The following SPTBN5 variants were observed in gnomAD, a reference collection of about 807,000 sequenced individuals.
SPTBN5 encodes spectrin beta, non-erythrocytic 5.
A neutral mutation model predicts 477.6 loss-of-function variants in SPTBN5; 513 were observed. That is an observed-to-expected ratio of 1.07 (90% CI 1.00 to 1.16). The LOEUF (loss-of-function observed/expected upper bound fraction) is 1.16, where lower values mean the gene tolerates loss of function less well. Among genes scored for constraint, SPTBN5 ranks in the 50% most tolerant of loss-of-function variants. The pLI, the probability that SPTBN5 is intolerant of heterozygous loss-of-function variation, is 0.00. For synonymous variants in SPTBN5, 2,169 were observed against 2,011.7 expected (o/e 1.08, Z -2.09); for missense variants, 5,062 against 4,731.8 (o/e 1.07, Z -2.05).
chr15:41,888,914 C>T (rs949456482), intron 4 of SPTBN5, among the ~76,000 whole-genome samples: 2 of 152,214 alleles, frequency 1.3e-5, no homozygotes, highest in African/African-American at 4.8e-5. Context: ...AGGTCAGGCC[C>T]CAGTACCCTG....
Position 41,893,434 on chromosome 15 carries a change from G to A in SPTBN5, c.64C>T (p.Pro22Ser). ...GGCGGGACCCGGAGTTCTGTGCTGG[G>A]CCTCCTGCTGCGGTGCCCTGCAGCC... ...LGAAGHRSRR[P>S]STELRVPPSP... The change falls in exon 2 of 68, where the codon CCC becomes TCC. Residue 22 changes from proline (P) to serine (S), a missense_variant. Transcript: ENST00000320955. 6.2e-7 allele frequency: 1 copy of A among 1,611,894 alleles called. No individual in the cohort carries two copies. Among genetic ancestry groups the A allele is most frequent in the Non-Finnish European group, 8.5e-7 (1 of 1,179,610 alleles).
Position 41,873,607 on chromosome 15 carries a change from T to C in SPTBN5, c.4892A>G (p.Tyr1631Cys). 6.4e-7 allele frequency: 1 copy of C among 1,551,270 alleles called. No individual in the cohort carries two copies. Among genetic ancestry groups the C allele is most frequent in the Non-Finnish European group, 8.7e-7 (1 of 1,147,004 alleles). ...CTCCAGCTCTGACACATCCAGAAAGTACTGCCAAGAGTGGGGCCAACTCAC... is the reference window on the plus strand; with the variant it reads ...CTCCAGCTCTGACACATCCAGAAAGCACTGCCAAGAGTGGGGCCAACTCAC... The part of the protein sequence containing the change: ...CLQQAVTFQQ[Y>C]FLDVSELEGW... Residue 1631 changes from tyrosine (Y) to cysteine (C), a missense_variant and splice_region_variant, in exon 26 of 68, where the codon TAC becomes TGC. Tyr to Cys is a radical substitution (Grantham distance 194). Coordinates refer to ENST00000320955, the MANE Select transcript of SPTBN5 (RefSeq NM_016642.4).
At position 41,877,237 on chromosome 15, in the gene SPTBN5, C is replaced by T. The variant is rs774535647; in HGVS notation, c.3590G>A (p.Trp1197Ter). The change falls in exon 18 of 68, where the codon TGG (tryptophan) becomes TAG (stop). Residue 1197 changes from tryptophan to a stop codon, truncating the protein, a stop_gained. Coordinates refer to ENST00000320955, the MANE Select transcript of SPTBN5 (RefSeq NM_016642.4). LOFTEE classifies it high-confidence loss of function. Reference protein sequence around the residue: ...GQQGQELKVLWEQRQQWLQEG... With the variant: ...GQQGQELKVL ...TTGCAGCCACTGCTGCCTCTGCTCC[C>T]ACAAAACCTTCAGCTCCTGGCCCTG... is the stretch of plus-strand genomic sequence containing the variant. The T allele has an allele frequency of 1.9e-6, 3 of 1,613,900 alleles. No homozygotes were observed. The highest frequency in any genetic ancestry group is 4.5e-5 in the East Asian group (2 of 44,894).
Position 41,881,180 on chromosome 15 carries a change from T to G in SPTBN5, c.2512A>C (p.Ser838Arg), listed in dbSNP as rs772807358. 1 of 1,613,042 alleles carries G rather than the reference T, an allele frequency of 6.2e-7. No individual in the cohort carries two copies. Among genetic ancestry groups the G allele is most frequent in the South Asian group, 1.1e-5 (1 of 91,050 alleles). Reference sequence around the variant, plus strand: ...GGGCCAGGGTGGCAGGAAGCCTCACTCCAGGGCCCTGGGTTCCTCAGGCTT... The same window carrying G: ...GGGCCAGGGTGGCAGGAAGCCTCACGCCAGGGCCCTGGGTTCCTCAGGCTT... ...GESLRNPGPW[S>R]EASCHPGPGD... Residue 838 changes from serine to arginine, a missense_variant, in exon 13 of 68, where the codon AGT (serine) becomes CGT (arginine). Physicochemically the swap from Ser to Arg is moderately radical, Grantham distance 110. Coordinates refer to ENST00000320955, the MANE Select transcript of SPTBN5 (RefSeq NM_016642.4).
Position 41,871,828 on chromosome 15 carries a change from G to A in SPTBN5, c.5255C>T (p.Ala1752Val), listed in dbSNP as rs750553260. The A allele has an allele frequency of 1.9e-6, 3 of 1,591,492 alleles. No homozygotes were observed. The highest frequency in any genetic ancestry group is 2.3e-5 in the South Asian group (2 of 87,036). ...TCCCAGGCTCTCCCCTCCTTTGGCT[G>A]CCTGCTTCTGGCTTGCCAGCCAGCC... is the stretch of plus-strand genomic sequence containing the variant. Reference protein sequence around the residue: ...LQGWLASQKQAAKGGESLGED... With the variant: ...LQGWLASQKQVAKGGESLGED... The change falls in exon 28 of 68, where the codon GCA (alanine) becomes GTA (valine). Residue 1752 changes from alanine to valine, a missense_variant. Ala to Val is a moderately conservative substitution (Grantham distance 64, BLOSUM62 0). Coordinates refer to ENST00000320955, the MANE Select transcript of SPTBN5 (RefSeq NM_016642.4).
rs186729219 is a variant in SPTBN5 at position 41,859,251 on chromosome 15, C to T, written c.7989-271G>A. Among the ~76,000 whole-genome samples the T allele has an allele frequency of 2.2e-3, 335 of 152,240 alleles. 3 individuals carry two copies. Among genetic ancestry groups the T allele is most frequent in the African/African-American group, 7.7e-3 (319 of 41,544 alleles). On this transcript the variant is annotated intron_variant, in intron 47 of 67. Transcript: ENST00000320955. ...TCGGCTCACTGCAACCTCCACCTCC[C>T]GGGTTCAAGCAATTCTTCTGCCTCA...
At chr15:41,878,988 C>T (rs761055552) in intron 16 of SPTBN5, among the ~76,000 whole-genome samples, 3 of 152,208 alleles carry the variant, frequency 2.0e-5, no homozygotes, top group Non-Finnish European at 4.4e-5. Flanking sequence ...ATGGCGTGAA[C>T]CCGGGAGGCT....
In SPTBN5 at chr15:41,880,263, C is replaced by G; in HGVS notation, c.2708G>C (p.Ser903Thr). 6.2e-7 allele frequency: 1 copy of G among 1,607,846 alleles called. No homozygotes were observed. The highest frequency in any genetic ancestry group is 2.2e-5 in the East Asian group (1 of 44,722). The change falls in exon 14 of 68, where the codon AGT (serine) becomes ACT (threonine). Residue 903 changes from serine to threonine, a missense_variant. Ser to Thr is a moderately conservative substitution (Grantham distance 58). Transcript: ENST00000320955. ...CCACAACTGGAGCTCCCCACAGGAA[C>G]TGCAGAAACCGAACAGGGCCATGGC... ...EEAMALFGFC[S>T]SCGELQLWLE...
At chr15:41,873,818 C>T in intron 25 of SPTBN5, 27 bp downstream of exon 25, 9 of 1,606,676 alleles carry the variant, frequency 5.6e-6, no homozygotes, top group Non-Finnish European at 5.1e-6. Context: ...CTGCCTCTTC[C>T]CCCAACCCCA....
rs2066828331 is a variant in SPTBN5 at position 41,878,553 on chromosome 15, C to T, written c.3259G>A (p.Val1087Ile). The change falls in exon 17 of 68, where the codon GTA becomes ATA. Residue 1087 changes from valine (V) to isoleucine (I), a missense_variant. Transcript: ENST00000320955. ...VETLQGLLKQ[V>I]QEQVAQRARR... ...GCCCGTTGGGCCACTTGTTCCTGTA[C>T]TTGCTTCAGCAGCCCCTGCAGTGTC... 1 of 1,612,776 alleles carries T rather than the reference C, an allele frequency of 6.2e-7. No homozygotes were observed. The highest frequency in any genetic ancestry group is 8.5e-7 in the Non-Finnish European group (1 of 1,179,742).
Position 41,861,725 on chromosome 15 carries a change from C to T in SPTBN5, c.7737+10G>A. On this transcript the variant is annotated intron_variant, in intron 45 of 67. Coordinates refer to ENST00000320955, the MANE Select transcript of SPTBN5 (RefSeq NM_016642.4). Reference sequence around the variant, plus strand: ...GGCAAGATGCAGGCTGGGGATGGGACTGTGCCTGCCTGTAGCTCCAGGGCC... The same window carrying T: ...GGCAAGATGCAGGCTGGGGATGGGATTGTGCCTGCCTGTAGCTCCAGGGCC... 1 of 1,536,852 alleles carries T rather than the reference C, an allele frequency of 6.5e-7. No homozygotes were observed.
chr15:41,856,938 C>T lies in SPTBN5; in HGVS notation c.8723G>A (p.Trp2908Ter). The T allele has an allele frequency of 6.3e-7, 1 of 1,576,284 alleles. No individual in the cohort carries two copies. Among genetic ancestry groups the T allele is most frequent in the Non-Finnish European group, 8.6e-7 (1 of 1,161,596 alleles). The change falls in exon 52 of 68, where the codon TGG becomes TAG. Residue 2908 changes from tryptophan to a stop codon, truncating the protein, a stop_gained. Transcript: ENST00000320955. LOFTEE classifies it high-confidence loss of function. ...FFRDADEEMAWVQEKLPLAAA... is the reference protein window; with the variant it reads ...FFRDADEEMA ...GGCCAGAGGCAGCTTCTCCTGCACC[C>T]AGGCCATTTCCTCGTCGGCGTCCCT... is the stretch of plus-strand genomic sequence containing the variant.
Position 41,862,539 on chromosome 15 carries a change from C to T in SPTBN5, c.7385G>A (p.Arg2462Gln), listed in dbSNP as rs746841947. The change falls in exon 43 of 68, where the codon CGG (arginine) becomes CAG (glutamine). Residue 2462 changes from arginine (R) to glutamine (Q), a missense_variant and splice_region_variant. By Grantham distance (43) the Arg-to-Gln change is conservative. Transcript: ENST00000320955. ...WWQLRSRAQK[R>Q]REALDALHQA... The stretch of plus-strand genomic sequence containing the variant: ...GAGGGCAAGGCCTGCGGGTTCATAC[C>T]GCTTCTGGGCCCTGCTCCGGAGCTG... 2.3e-5 allele frequency: 36 copies of T among 1,573,976 alleles called. No individual in the cohort carries two copies. Among genetic ancestry groups the T allele is most frequent in the African/African-American group, 1.9e-4 (14 of 74,322 alleles).
chr15:41,865,752 G>A, intron 39 of SPTBN5, 56 bp downstream of exon 39: 4 of 1,455,372 alleles, frequency 2.7e-6, no homozygotes, highest in Non-Finnish European at 3.7e-6. Context: ...CCTGCTCTCA[G>A]TTGGATTTTC....
chr15:41,871,058 T>C (rs2066517500), intron 29 of SPTBN5, among the ~76,000 whole-genome samples: 1 of 152,244 alleles, frequency 6.6e-6, no homozygotes, highest in African/African-American at 2.4e-5. Flanking sequence ...ACACGAGGCA[T>C]GGGCTGTCCC....
Position 41,848,170 on chromosome 15 carries a change from T to A in SPTBN5, c.*446A>T, listed in dbSNP as rs1595429973. The A allele has an allele frequency of 1.9e-6, 1 of 528,878 alleles. No homozygotes were observed. Among genetic ancestry groups the A allele is most frequent in the East Asian group, 3.3e-5 (1 of 29,874 alleles). The allele number at this position is 528,878 out of a possible 1,614,324, so 32.8% of individuals were successfully genotyped here. ...GTGAGGCGCTGAGACCATCTGTTAT[T>A]ACTGCTGAGAAGGGCCATGTCATTC... is the stretch of plus-strand genomic sequence containing the variant. On this transcript the variant is annotated 3_prime_UTR_variant, in exon 68 of 68. Coordinates refer to ENST00000320955, the MANE Select transcript of SPTBN5 (RefSeq NM_016642.4).
Position 41,886,361 on chromosome 15 carries a change from C to G in SPTBN5, c.894G>C (p.Leu298=). Residue 298 remains leucine (L), a synonymous_variant, in exon 7 of 68, where the codon CTG becomes CTC. Transcript: ENST00000320955. ...GCAGCTCTGTCTCCTGGAGCTGAAGCAGGATCTGGTGGAGGGCATAGGAAG... is the reference window on the plus strand; with the variant it reads ...GCAGCTCTGTCTCCTGGAGCTGAAGGAGGATCTGGTGGAGGGCATAGGAAG... The part of the protein sequence containing the change: ...QTVQRRLTKI[L]LQLQETELLQ... 6.3e-7 allele frequency: 1 copy of G among 1,598,188 alleles called. No individual in the cohort carries two copies. Among genetic ancestry groups the G allele is most frequent in the Non-Finnish European group, 8.5e-7 (1 of 1,171,736 alleles).
chr15:41,880,693 G>A (rs964341261), intron 13 of SPTBN5, among the ~76,000 whole-genome samples: 2 of 152,160 alleles, frequency 1.3e-5, no homozygotes, highest in African/African-American at 4.8e-5. Context: ...GTGCTGCAGG[G>A]ACCTGGGCCT....
rs756128588 is a variant in SPTBN5 at position 41,885,890 on chromosome 15, C to A, written c.1365G>T (p.Pro455=). 7.6e-6 allele frequency: 12 copies of A among 1,582,422 alleles called. No individual in the cohort carries two copies. Among genetic ancestry groups the A allele is most frequent in the Non-Finnish European group, 1.0e-5 (12 of 1,164,606 alleles). Residue 455 remains proline (P), a synonymous_variant, in exon 7 of 68, where the codon CCG becomes CCT. Transcript: ENST00000320955. Reference sequence around the variant, plus strand: ...CCTCCACTGTGGCCAGGCTGGCTGGCGGGGCTCTGGCCTGGTCTAGCACCT... The same window carrying A: ...CCTCCACTGTGGCCAGGCTGGCTGGAGGGGCTCTGGCCTGGTCTAGCACCT... ...AEQVLDQARA[P]PASLATVEAA...
Sources: gnomAD v4.1 joint callset for allele counts (sites outside exome capture counted in the v4.1 genomes callset) on GRCh38, gnomAD v4.1.1 for gene constraint, MANE v1.5 for transcripts, NCBI Gene and HGNC (gene_info 2026-07-23, HGNC 2026-07-21) for gene names.